MAN1A2: variants seen among roughly 807,000 people sequenced by gnomAD.
MAN1A2 encodes mannosyl-oligosaccharide 1,2-alpha-mannosidase IB.
A neutral mutation model predicts 75.7 loss-of-function variants in MAN1A2; 26 were observed. The observed-to-expected ratio is 0.34, with a 90% CI of 0.25 to 0.48. MAN1A2 has a LOEUF of 0.48. MAN1A2 is among the 20% of genes least tolerant of loss of function. MAN1A2 has a pLI of 0.99. For synonymous variants in MAN1A2, 247 were observed against 264.6 expected (o/e 0.93, Z 0.65); for missense variants, 562 against 775.5 (o/e 0.72, Z 3.27).
rs1451804320 is a variant in MAN1A2 at position 117,429,439 on chromosome 1, C to G, written c.855+8790C>G. Among the ~76,000 whole-genome samples the G allele has an allele frequency of 3.8e-5, 5 of 132,376 alleles. No homozygotes were observed. In the East Asian group the frequency reaches 6.6e-4, roughly 17 times the overall value. The allele number at this position is 132,376 out of a possible 152,430, so 86.8% of individuals were successfully genotyped here. ...GGCTGGCCGGGCAGGGGGGCTGACC[C>G]CCCCCACCTCCCTCCCGGAGGGGGC... On this transcript the variant is annotated intron_variant, in intron 5 of 12. Transcript: ENST00000356554.
Position 117,524,909 on chromosome 1 carries a change from A to G in MAN1A2, c.*1952A>G. 3.1e-6 allele frequency: 1 copy of G among 327,236 alleles called. No homozygotes were observed. The highest frequency in any genetic ancestry group is 2.6e-5 in the South Asian group (1 of 37,984). The allele number at this position is 327,236 out of a possible 1,614,324, so 20.3% of individuals were successfully genotyped here. A position where few individuals can be genotyped will look rare whatever the true frequency, so the allele number is the denominator to read the frequency against. On this transcript the variant is annotated 3_prime_UTR_variant, in exon 13 of 13. Transcript: ENST00000356554. ...GGGAAAAGGGAAAGTATTTGGTTCT[A>G]AAAAATGTTAGCCTTCCTCGTAAAA... is the stretch of plus-strand genomic sequence containing the variant.
intron 2 of MAN1A2, 136 bp downstream of exon 2, chr1:117,402,577 A>G: frequency 1.5e-6 from 1 of 658,938 alleles, no homozygotes; most frequent in Non-Finnish European, 2.3e-6. Context: ...CCAGGTTGGT[A>G]ATAAGGACTA....
At chr1:117,452,894 C>T (rs577921515) in intron 6 of MAN1A2, among the ~76,000 whole-genome samples, 1 of 152,308 alleles carries the variant, frequency 6.6e-6, no homozygotes, top group Admixed American at 6.5e-5. Context: ...CAATGCTTGG[C>T]TTTCAAGGAC....
rs1225877756 is a variant in MAN1A2 at position 117,526,403 on chromosome 1, G to T, written c.*3446G>T. On this transcript the variant is annotated 3_prime_UTR_variant, in exon 13 of 13. Transcript: ENST00000356554. ...TTTCATATAAATTAAAGAGGAAAAA[G>T]AAAAGGTTTATAATATATTTTAAAA... 6.6e-6 allele frequency: 1 copy of T among 151,558 alleles called. No homozygotes were observed. Among genetic ancestry groups the T allele is most frequent in the Non-Finnish European group, 1.5e-5 (1 of 67,728 alleles). 9.4% of individuals were successfully genotyped at this position (151,558 alleles called of 1,614,324 possible).
At chr1:117,434,216 A>G (rs534287399) in intron 5 of MAN1A2, among the ~76,000 whole-genome samples, 2 of 152,194 alleles carry the variant, frequency 1.3e-5, no homozygotes, top group Admixed American at 6.5e-5. Flanking sequence ...TTATAGAGCT[A>G]TATCACGATT....
At chr1:117,374,768 T>G (rs1406926233) in intron 1 of MAN1A2, among the ~76,000 whole-genome samples, 1 of 152,182 alleles carries the variant, frequency 6.6e-6, no homozygotes, top group Non-Finnish European at 1.5e-5. Context: ...TTCTAGCTCA[T>G]GCATATGAAA....
chr1:117,528,430 G>A lies in MAN1A2; in HGVS notation c.*5473G>A, dbSNP rs912029481. 2.0e-5 allele frequency: 3 copies of A among 152,022 alleles called. No individual in the cohort carries two copies. Among genetic ancestry groups the A allele is most frequent in the South Asian group, 4.2e-4 (2 of 4,818 alleles). 9.4% of individuals were successfully genotyped at this position (152,022 alleles called of 1,614,324 possible). On this transcript the variant is annotated 3_prime_UTR_variant, in exon 13 of 13. Transcript: ENST00000356554. ...TTGCTTCAGCTCGGTGTGAATGTAAGTGTGGGGATCAAACACACACACCTA... is the reference window on the plus strand; with the variant it reads ...TTGCTTCAGCTCGGTGTGAATGTAAATGTGGGGATCAAACACACACACCTA...
intron 12 of MAN1A2, among the ~76,000 whole-genome samples, chr1:117,520,335 A>T (rs775732849): frequency 1.3e-5 from 2 of 151,830 alleles, no homozygotes; most frequent in Non-Finnish European, 2.9e-5. Flanking sequence ...AATCAGGCAA[A>T]AGAAAGAAAG....
At chr1:117,482,217 C>A (rs1650520496) in intron 8 of MAN1A2, among the ~76,000 whole-genome samples, 1 of 151,894 alleles carries the variant, frequency 6.6e-6, no homozygotes, top group Admixed American at 6.6e-5. Context: ...ATTTATAATC[C>A]TTTGGGTATA....
At chr1:117,503,364 G>A (rs577345104) in intron 12 of MAN1A2, among the ~76,000 whole-genome samples, 3 of 151,540 alleles carry the variant, frequency 2.0e-5, no homozygotes, top group East Asian at 3.9e-4. Flanking sequence ...TCATACCTGA[G>A]CTCCCTACTG....
At chr1:117,492,921 A>C (rs1242413858) in intron 8 of MAN1A2, among the ~76,000 whole-genome samples, 1 of 152,110 alleles carries the variant, frequency 6.6e-6, no homozygotes, top group Non-Finnish European at 1.5e-5. Context: ...GAAGCACCAC[A>C]TCCAGAGAAA....
chr1:117,389,053 CA>C (rs1231533685), intron 1 of MAN1A2, among the ~76,000 whole-genome samples: 1 of 152,000 alleles, frequency 6.6e-6, no homozygotes, highest in Non-Finnish European at 1.5e-5. Context: ...ATCAGAAATC[CA>C]CTTCAACTTT....
chr1:117,494,185 A>G (rs1352356894), intron 9 of MAN1A2: 1 of 152,054 alleles, frequency 6.6e-6, no homozygotes, highest in Non-Finnish European at 1.5e-5. Flanking sequence ...CCACTGTATT[A>G]TATTGTTTCA....
intron 1 of MAN1A2, among the ~76,000 whole-genome samples, chr1:117,390,640 TTTC>T (rs1343268740): frequency 1.3e-5 from 2 of 152,054 alleles, no homozygotes; most frequent in Non-Finnish European, 2.9e-5. Flanking sequence ...TATTATTTTC[TTTC>T]TTCTTCTAAC....
intron 6 of MAN1A2, among the ~76,000 whole-genome samples, chr1:117,456,267 A>G (rs1649579680): frequency 6.6e-6 from 1 of 152,056 alleles, no homozygotes; most frequent in African/African-American, 2.4e-5. Flanking sequence ...GTTGCCACAT[A>G]AATGATATCA....
chr1:117,477,718 C>T (rs762578406), intron 8 of MAN1A2, among the ~76,000 whole-genome samples: 6 of 152,028 alleles, frequency 3.9e-5, no homozygotes, highest in Non-Finnish European at 5.9e-5. Flanking sequence ...CCTTTGAAAA[C>T]TGGCACAAGA....
intron 1 of MAN1A2, among the ~76,000 whole-genome samples, chr1:117,371,745 T>C (rs1652972228): frequency 6.6e-6 from 1 of 152,208 alleles, no homozygotes; most frequent in Non-Finnish European, 1.5e-5. Flanking sequence ...TTTGGCCTCC[T>C]TATTGTTGTT....
chr1:117,483,388 A>G (rs1226178136), intron 8 of MAN1A2, among the ~76,000 whole-genome samples: 2 of 152,174 alleles, frequency 1.3e-5, no homozygotes, highest in Non-Finnish European at 2.9e-5. Context: ...ATATTCTTCC[A>G]TTTGTTTGTG....
rs1229899644 is a variant in MAN1A2 at position 117,402,406 on chromosome 1, A to G, written c.523A>G (p.Asn175Asp). 3.7e-6 allele frequency: 6 copies of G among 1,609,768 alleles called. No homozygotes were observed. The African/African-American group carries it at 8.0e-5, about 22-fold the overall frequency. The change falls in exon 2 of 13, where the codon AAT becomes GAT. Residue 175 changes from asparagine (N) to aspartate (D), a missense_variant. This residue lies in a region of MAN1A2 where 434 missense variants were observed against 645.7 expected (regional missense o/e 0.67). Transcript: ENST00000356554. ...VGIRGGDPED[N>D]DIREKREKIK... Reference sequence around the variant, plus strand: ...AATACGTGGTGGAGACCCAGAAGATAATGACATAAGAGAGAAAAGGGAAAA... The same window carrying G: ...AATACGTGGTGGAGACCCAGAAGATGATGACATAAGAGAGAAAAGGGAAAA...
Sources: allele counts gnomAD v4.1 joint callset (sites outside exome capture counted in the v4.1 genomes callset), GRCh38; gene constraint gnomAD v4.1.1; regional missense constraint gnomAD v4.1.1; transcripts MANE v1.5; gene names NCBI Gene and HGNC (gene_info 2026-07-23, HGNC 2026-07-21).